AFDN: variants seen among roughly 807,000 people sequenced by gnomAD.
AFDN encodes the protein afadin, adherens junction formation factor.
Under a neutral mutation model 216.6 loss-of-function variants are expected in AFDN, and 68 were observed. The observed-to-expected ratio is 0.31, with a 90% CI of 0.26 to 0.38. The LOEUF (loss-of-function observed/expected upper bound fraction) is 0.38. Ranked by LOEUF, AFDN falls within the 10% of genes least tolerant of loss-of-function variation. The pLI, the probability that AFDN is intolerant of heterozygous loss-of-function variation, is 1.00. For synonymous variants in AFDN, 868 were observed against 853.7 expected, an observed-to-expected ratio of 1.02 and a Z score of -0.29; for missense variants, 2,136 against 2,342.0, an observed-to-expected ratio of 0.91 and a Z score of 1.82.
At chr6:167,913,695 C>G (rs1562660935) in intron 16 of AFDN, 1 of 507,058 alleles carries the variant, frequency 2.0e-6, no homozygotes, top group Non-Finnish European at 3.5e-6. Context: ...TTCTTTGGAT[C>G]TCATCTGAGG....
At chr6:167,881,591 GTTGGGCTGAAAAGAAGAAA>G (rs1393779421) in intron 6 of AFDN, among the ~76,000 whole-genome samples, 1 of 152,224 alleles carries the variant, frequency 6.6e-6, no homozygotes, top group African/African-American at 2.4e-5. Context: ...AGTGTTGAAA[GTTGGGCTGAAAAGAAGAAA>G]TTGGGCTGAA....
In AFDN at chr6:167,914,640, T is replaced by C; in HGVS notation, c.2205-4T>C. 1.3e-6 allele frequency: 2 copies of C among 1,594,164 alleles called. No homozygotes were observed. Among genetic ancestry groups the C allele is most frequent in the Non-Finnish European group, 1.7e-6 (2 of 1,162,252 alleles). On this transcript the variant is annotated splice_polypyrimidine_tract_variant and splice_region_variant and intron_variant, in intron 17 of 33. Transcript: ENST00000683244. ...GATTACTTAAATTGTCTATGTATTTTCAGATACTTGGTTCACTGTCTTCAA... is the reference window on the plus strand; with the variant it reads ...GATTACTTAAATTGTCTATGTATTTCCAGATACTTGGTTCACTGTCTTCAA...
intron 15 of AFDN, among the ~76,000 whole-genome samples, chr6:167,912,897 T>C (rs550500511): frequency 6.6e-6 from 1 of 152,346 alleles, no homozygotes; most frequent in East Asian, 1.9e-4. Flanking sequence ...CTCCCTTTAG[T>C]ATAGGTGTAA....
chr6:167,905,628 CTG>C (rs1361709826), intron 12 of AFDN, among the ~76,000 whole-genome samples: 2 of 151,768 alleles, frequency 1.3e-5, no homozygotes, highest in African/African-American at 4.9e-5. Context: ...AGCTGTTACT[CTG>C]TGAGCATTTT....
intron 23 of AFDN, among the ~76,000 whole-genome samples, chr6:167,925,429 G>A (rs3814910): frequency 0.11 from 16,263 of 152,146 alleles, 1,022 homozygotes; most frequent in South Asian, 0.22. Context: ...AAACTGCATC[G>A]TGGGAGTGGG....
intron 5 of AFDN, among the ~76,000 whole-genome samples, chr6:167,876,058 A>G (rs1001778467): frequency 6.6e-6 from 1 of 152,170 alleles, no homozygotes; most frequent in East Asian, 1.9e-4. Context: ...TCTGTTTGAG[A>G]TGGGATCTAA....
intron 13 of AFDN, among the ~76,000 whole-genome samples, chr6:167,907,671 T>C (rs1244901419): frequency 6.6e-6 from 1 of 152,186 alleles, no homozygotes; most frequent in East Asian, 1.9e-4. Context: ...TGTTTAAAAA[T>C]ATGTAAGATC....
At chr6:167,878,437 C>A (rs2128287645) in intron 5 of AFDN, among the ~76,000 whole-genome samples, 1 of 151,908 alleles carries the variant, frequency 6.6e-6, no homozygotes, top group South Asian at 2.1e-4. Context: ...TAAATGGACT[C>A]CACTCCTGTT....
chr6:167,915,281 C>G lies in AFDN; in HGVS notation c.2413C>G (p.Leu805Val). 2 of 1,614,266 alleles carry G rather than the reference C, an allele frequency of 1.2e-6. No individual in the cohort carries two copies. Among genetic ancestry groups the G allele is most frequent in the South Asian group, 2.2e-5 (2 of 91,088 alleles). Reference sequence around the variant, plus strand: ...GCTCTTCCACTTCATCAATATGTGGCTGTTCAATAGATTGGTGACCGACCC... The same window carrying G: ...GCTCTTCCACTTCATCAATATGTGGGTGTTCAATAGATTGGTGACCGACCC... ...SQLFHFINMW[L>V]FNRLVTDPDS... is the part of the protein sequence containing the mutation. Residue 805 changes from leucine to valine, a missense_variant, in exon 19 of 34, where the codon CTG becomes GTG. Around this residue, in one of 8 missense-constraint regions of AFDN, gnomAD observed 817 missense variants for 965.7 expected, o/e 0.85. Transcript: ENST00000683244.
upstream of AFDN, chr6:167,826,751 C>G (rs1376224564): frequency 1.4e-5 from 5 of 367,974 alleles, no homozygotes; most frequent in South Asian, 8.1e-5. Context: ...GCCCGCCCTC[C>G]GACACCTCCC....
At chr6:167,864,938 A>G (rs1349949839) in intron 2 of AFDN, 192 bp downstream of exon 2, 1 of 759,544 alleles carries the variant, frequency 1.3e-6, no homozygotes, top group African/African-American at 1.7e-5. Flanking sequence ...AATCCCTGGC[A>G]CATATATCTG....
In AFDN at chr6:167,897,341, A is replaced by C. The variant is rs150547331; in HGVS notation, c.1317+369A>C. On this transcript the variant is annotated intron_variant, in intron 10 of 33. Transcript: ENST00000683244. ...TAGCATTAGGCATTCGGTAAATTCT[A>C]ATTAAATTTAGCTTAATATGGTTCT... Among the ~76,000 whole-genome samples, 173 of 152,298 alleles carry C rather than the reference A, an allele frequency of 1.1e-3. 2 individuals carry two copies. Among genetic ancestry groups the C allele is most frequent in the African/African-American group, 4.1e-3 (172 of 41,568 alleles).
At chr6:167,956,807 A>C (rs1489328751) in intron 30 of AFDN, among the ~76,000 whole-genome samples, 1 of 152,042 alleles carries the variant, frequency 6.6e-6, no homozygotes, top group Non-Finnish European at 1.5e-5. Flanking sequence ...CAACCTGACC[A>C]ATCTCTGTGC....
At position 167,864,627 on chromosome 6, in the gene AFDN, G is replaced by C. The variant is rs1247186832; in HGVS notation, c.182G>C (p.Arg61Pro). The change falls in exon 2 of 34, where the codon CGG becomes CCG. Residue 61 changes from arginine to proline, a missense_variant. Coordinates refer to ENST00000683244, the MANE Select transcript of AFDN (RefSeq NM_001386888.1). Reference sequence around the variant, plus strand: ...GGAAACTTTGCAACAAAATGTATTCGGGTCTCTAGTACTGCCACCACTCAA... The same window carrying C: ...GGAAACTTTGCAACAAAATGTATTCCGGTCTCTAGTACTGCCACCACTCAA... Reference protein sequence around the residue: ...AAGNFATKCIRVSSTATTQDV... With the variant: ...AAGNFATKCIPVSSTATTQDV... 6.2e-7 allele frequency: 1 copy of C among 1,614,076 alleles called. No individual in the cohort carries two copies. Among genetic ancestry groups the C allele is most frequent in the East Asian group, 2.2e-5 (1 of 44,886 alleles).
chr6:167,840,426 C>T (rs1780935509), intron 1 of AFDN, among the ~76,000 whole-genome samples: 1 of 152,154 alleles, frequency 6.6e-6, no homozygotes, highest in Admixed American at 6.5e-5. Context: ...GGTTTCTGAG[C>T]AGAAGCTTGA....
At position 167,827,105 on chromosome 6, in the gene AFDN, G is replaced by T; in HGVS notation, c.-28G>T. ...CGGCCCGTCCTCCGGCCCCGGCCCC[G>T]CGCGGCTGAGGAGGCGCGGCCAGGA... On this transcript the variant is annotated 5_prime_UTR_variant, in exon 1 of 34. Coordinates refer to ENST00000683244, the MANE Select transcript of AFDN (RefSeq NM_001386888.1). 1 of 1,202,804 alleles carries T rather than the reference G, an allele frequency of 8.3e-7. No homozygotes were observed. The allele number at this position is 1,202,804 out of a possible 1,614,324, so 74.5% of individuals were successfully genotyped here. A position where few individuals can be genotyped will look rare whatever the true frequency, so the allele number is the denominator to read the frequency against.
At chr6:167,874,554 G>A (rs1785129531) in intron 4 of AFDN, among the ~76,000 whole-genome samples, 1 of 149,988 alleles carries the variant, frequency 6.7e-6, no homozygotes, top group Non-Finnish European at 1.5e-5. Context: ...AAATCTTTTA[G>A]GTGTTAAAAA....
chr6:167,898,509 C>T (rs1583324106), intron 11 of AFDN, 42 bp downstream of exon 11: 2 of 1,560,122 alleles, frequency 1.3e-6, no homozygotes, highest in South Asian at 2.4e-5. Flanking sequence ...TTTGATTATA[C>T]TTAAAGTAGT....
chr6:167,924,919 C>A, intron 22 of AFDN, 86 bp from the exon 23 acceptor site: 1 of 948,488 alleles, frequency 1.1e-6, no homozygotes, highest in Non-Finnish European at 1.7e-6. Context: ...CTCCAGTGAA[C>A]ATGATTGACT....
Sources: gnomAD v4.1 joint callset for allele counts (sites outside exome capture counted in the v4.1 genomes callset) on GRCh38, gnomAD v4.1.1 for gene constraint, gnomAD v4.1.1 regional missense constraint, MANE v1.5 for transcripts, NCBI Gene and HGNC (gene_info 2026-07-23, HGNC 2026-07-21) for gene names.